GALNT13: variants seen among roughly 807,000 people sequenced by gnomAD.
GALNT13 encodes polypeptide N-acetylgalactosaminyltransferase 13.
A neutral mutation model predicts 64.2 loss-of-function variants in GALNT13; 28 were observed. The observed-to-expected ratio is 0.44, with a 90% CI of 0.32 to 0.60. The LOEUF (loss-of-function observed/expected upper bound fraction) is 0.60. Among genes scored for constraint, GALNT13 ranks in the 20% least tolerant of loss-of-function variants. GALNT13 has a pLI of 0.05. For synonymous variants in GALNT13, 214 were observed against 224.6 expected (o/e 0.95, Z 0.42); for missense variants, 577 against 669.8 (o/e 0.86, Z 1.53).
rs1698902938 is a variant in GALNT13, at chr2:154,040,309, A to G, written c.142+95670A>G. On this transcript the variant is annotated intron_variant, in intron 3 of 12. Coordinates refer to ENST00000392825, the MANE Select transcript of GALNT13 (RefSeq NM_052917.4). ...TGTGAGTTCTTTAAAGCCCAAACCA[A>G]ATGTGTTCAAATCTAAGTCATCTTT... is the stretch of plus-strand genomic sequence containing the variant. 2.8e-5 allele frequency among the ~76,000 whole-genome samples: 4 copies of G among 141,064 alleles called. 1 individual carries two copies. The highest frequency in any genetic ancestry group is 1.4e-4 in the Admixed American group (2 of 14,122). The allele number at this position is 141,064 out of a possible 152,430, so 92.5% of individuals were successfully genotyped here.
At chr2:154,165,843 T>C (rs2105682391) in intron 4 of GALNT13, among the ~76,000 whole-genome samples, 1 of 152,282 alleles carries the variant, frequency 6.6e-6, no homozygotes, top group Non-Finnish European at 1.5e-5. Flanking sequence ...CTGAACTCAG[T>C]AGAAAGGATA....
downstream of GALNT13, chr2:154,454,659 AATTATG>A (rs1401722729): frequency 6.6e-6 from 1 of 152,106 alleles, no homozygotes; most frequent in East Asian, 1.9e-4. Flanking sequence ...CAAAAAAAAA[AATTATG>A]ATTAGTATAT....
At chr2:154,229,815 A>G (rs75859900) in intron 4 of GALNT13, among the ~76,000 whole-genome samples, 2,201 of 152,244 alleles carry the variant, frequency 0.014, 58 homozygotes, top group African/African-American at 0.05. Flanking sequence ...GAAAGGCAAC[A>G]GTGAAAGGAA....
chr2:153,818,584 A>G, the GALNT13 span, among the ~76,000 whole-genome samples: 1 of 152,182 alleles, frequency 6.6e-6, no homozygotes, highest in Non-Finnish European at 1.5e-5. Context: ...CCCTGCCGGA[A>G]CACTGTGGTC....
chr2:154,320,614 A>G (rs1244283245), intron 9 of GALNT13, among the ~76,000 whole-genome samples: 1 of 152,188 alleles, frequency 6.6e-6, no homozygotes, highest in Non-Finnish European at 1.5e-5. Context: ...GAACAATAGC[A>G]TAAAAGTTGT....
chr2:153,562,834 GT>G, the GALNT13 span, among the ~76,000 whole-genome samples: 1 of 151,968 alleles, frequency 6.6e-6, no homozygotes, highest in East Asian at 1.9e-4. Context: ...CACAAATTTA[GT>G]TTTTTTGCCT....
At chr2:153,640,469 G>A in the GALNT13 span, among the ~76,000 whole-genome samples, 2 of 152,068 alleles carry the variant, frequency 1.3e-5, no homozygotes, top group Non-Finnish European at 2.9e-5. Context: ...CGTCAAAGAC[G>A]TTGCTCAGGG....
intron 3 of GALNT13, among the ~76,000 whole-genome samples, chr2:153,972,824 T>C (rs1026643775): frequency 6.6e-6 from 1 of 152,132 alleles, no homozygotes; most frequent in Admixed American, 6.5e-5. Flanking sequence ...CTAATTTAGG[T>C]AATTCAGGAT....
chr2:153,392,571 A>G, the GALNT13 span, among the ~76,000 whole-genome samples: 3 of 152,250 alleles, frequency 2.0e-5, no homozygotes, highest in South Asian at 4.1e-4. Context: ...CTGGAGACCC[A>G]GAGAAGAGTT....
At chr2:154,347,569 C>T (rs1252991735) in intron 9 of GALNT13, among the ~76,000 whole-genome samples, 1 of 152,066 alleles carries the variant, frequency 6.6e-6, no homozygotes, top group Admixed American at 6.6e-5. Flanking sequence ...ACTGTCTTTG[C>T]TCATAATATT....
intron 9 of GALNT13, among the ~76,000 whole-genome samples, chr2:154,313,259 T>C (rs1017041530): frequency 1.8e-4 from 27 of 148,298 alleles, no homozygotes; most frequent in East Asian, 8.0e-4. Flanking sequence ...TATATATATA[T>C]ACACACACAC....
chr2:153,665,451 A>G, the GALNT13 span, among the ~76,000 whole-genome samples: 1 of 152,160 alleles, frequency 6.6e-6, no homozygotes, highest in Admixed American at 6.5e-5. Flanking sequence ...GTCTATTAAT[A>G]TATATGTGTA....
chr2:154,228,066 A>G (rs1261675793), intron 4 of GALNT13, among the ~76,000 whole-genome samples: 1 of 152,082 alleles, frequency 6.6e-6, no homozygotes, highest in African/African-American at 2.4e-5. Flanking sequence ...CTGAAGATTC[A>G]TTTGATGAAT....
intron 4 of GALNT13, among the ~76,000 whole-genome samples, chr2:154,156,416 A>C (rs1684426543): frequency 6.6e-6 from 1 of 152,122 alleles, no homozygotes; most frequent in Admixed American, 6.6e-5. Flanking sequence ...CCCATGACAC[A>C]GTTTAAACAC....
At chr2:154,251,734 A>T (rs1690080062) in intron 7 of GALNT13, among the ~76,000 whole-genome samples, 1 of 152,202 alleles carries the variant, frequency 6.6e-6, no homozygotes, top group Admixed American at 6.5e-5. Flanking sequence ...CTTTAATTAC[A>T]TTCAGCATTT....
intron 8 of GALNT13, among the ~76,000 whole-genome samples, chr2:154,276,808 T>C (rs1325594796): frequency 6.6e-6 from 1 of 152,156 alleles, no homozygotes; most frequent in Admixed American, 6.5e-5. Context: ...CTCATGATGG[T>C]GAGTGATTCT....
the GALNT13 span, among the ~76,000 whole-genome samples, chr2:153,658,421 A>G: frequency 6.6e-6 from 1 of 152,084 alleles, no homozygotes; most frequent in Non-Finnish European, 1.5e-5. Context: ...GTGGTTAAGC[A>G]TATTTTTATG....
At chr2:153,231,409 A>G in the GALNT13 span, among the ~76,000 whole-genome samples, 4 of 152,316 alleles carry the variant, frequency 2.6e-5, no homozygotes, top group Admixed American at 2.6e-4. Flanking sequence ...CAGGATTCTT[A>G]TTTGAGCATG....
At chr2:154,154,482 G>C (rs994048188) in intron 4 of GALNT13, among the ~76,000 whole-genome samples, 3 of 152,078 alleles carry the variant, frequency 2.0e-5, no homozygotes, top group African/African-American at 7.2e-5. Flanking sequence ...ATGATGTGAT[G>C]GAAATGATAT....
Sources: allele counts gnomAD v4.1 joint callset (sites outside exome capture counted in the v4.1 genomes callset), GRCh38; gene constraint gnomAD v4.1.1; transcripts MANE v1.5; gene names NCBI Gene and HGNC (gene_info 2026-07-23, HGNC 2026-07-21).